KDM2A: variants seen among roughly 807,000 people sequenced by gnomAD.
KDM2A encodes the protein lysine demethylase 2A, also known as lysine-specific demethylase 2A.
KDM2A carries 3 observed loss-of-function variants against 137.3 expected under a neutral mutation model. The ratio of observed to expected loss-of-function variants is 0.02; its 90% CI spans 0.01 to 0.06. The LOEUF is 0.06. Among genes scored for constraint, KDM2A ranks in the 10% least tolerant of loss-of-function variants. The pLI is 1.00. For synonymous variants in KDM2A, 512 were observed against 541.5 expected (o/e 0.95, Z 0.76); for missense variants, 738 against 1,510.6 (o/e 0.49, Z 8.48).
chr11:67,158,062 T>C (rs1225857667), intron 2 of KDM2A, among the ~76,000 whole-genome samples: 1 of 151,326 alleles, frequency 6.6e-6, no homozygotes, highest in African/African-American at 2.4e-5. Context: ...TATAGAATAG[T>C]TTCACTGCCT....
chr11:67,123,710 CTT>C (rs1855651865), intron 2 of KDM2A, among the ~76,000 whole-genome samples: 1 of 151,556 alleles, frequency 6.6e-6, no homozygotes, highest in Non-Finnish European at 1.5e-5. Context: ...GAGTTTCACT[CTT>C]GTCACCCAGG....
rs1859539132 is a variant in KDM2A at position 67,254,513 on chromosome 11, G to C, written c.3307+95G>C. 1 of 1,048,304 alleles carries C rather than the reference G, an allele frequency of 9.5e-7. No homozygotes were observed. The highest frequency in any genetic ancestry group is 1.5e-6 in the Non-Finnish European group (1 of 680,988). 64.9% of individuals were successfully genotyped at this position (1,048,304 alleles called of 1,614,324 possible). A position where few individuals can be genotyped will look rare whatever the true frequency, so the allele number is the denominator to read the frequency against. Reference sequence around the variant, plus strand: ...AAACCAGAATGACCTTGGGTCTGTTGATTGACCCACATCAGCTCATTTCTT... The same window carrying C: ...AAACCAGAATGACCTTGGGTCTGTTCATTGACCCACATCAGCTCATTTCTT... On this transcript the variant is annotated intron_variant, in intron 20 of 20. Transcript: ENST00000529006. This position sits in a 1 kb window ranked among gnomAD's most constrained non-coding sequence, Gnocchi z 4.7.
In KDM2A at chr11:67,245,498, G is replaced by A; in HGVS notation, c.1833+40G>A. On this transcript the variant is annotated intron_variant, in intron 14 of 20. Coordinates refer to ENST00000529006, the MANE Select transcript of KDM2A (RefSeq NM_012308.3). This position sits in a 1 kb window ranked among gnomAD's most constrained non-coding sequence, Gnocchi z 4.1. Reference sequence around the variant, plus strand: ...GGGTAAAGAATTTTGGGGAGGGGTGGCAGTGCCAAAGGAACTGAAATACAT... The same window carrying A: ...GGGTAAAGAATTTTGGGGAGGGGTGACAGTGCCAAAGGAACTGAAATACAT... The A allele has an allele frequency of 6.2e-7, 1 of 1,606,330 alleles. No homozygotes were observed. The highest frequency in any genetic ancestry group is 8.5e-7 in the Non-Finnish European group (1 of 1,175,098).
intron 2 of KDM2A, among the ~76,000 whole-genome samples, chr11:67,141,068 C>T (rs555619139): frequency 1.4e-4 from 21 of 152,120 alleles, no homozygotes; most frequent in Admixed American, 3.9e-4. Flanking sequence ...TCAGTTTATC[C>T]CCCTCTCTTT....
intron 2 of KDM2A, among the ~76,000 whole-genome samples, chr11:67,130,404 CAA>C (rs1397997237): frequency 1.3e-5 from 2 of 152,164 alleles, no homozygotes; most frequent in Non-Finnish European, 2.9e-5. Context: ...TTCGGCCTCC[CAA>C]AGTGTTGGGA....
intron 2 of KDM2A, among the ~76,000 whole-genome samples, chr11:67,122,019 G>A (rs189961679): frequency 7.2e-5 from 11 of 152,154 alleles, no homozygotes; most frequent in Non-Finnish European, 1.3e-4. Context: ...TGCTTTCCTC[G>A]TAAGGTTTCC....
chr11:67,214,133 T>G (rs1858081651), intron 6 of KDM2A, among the ~76,000 whole-genome samples: 1 of 150,752 alleles, frequency 6.6e-6, no homozygotes, highest in Non-Finnish European at 1.5e-5. Context: ...CTCCACCTCC[T>G]GGGTTCAAGC....
chr11:67,173,274 C>CA (rs1856914400), intron 2 of KDM2A, among the ~76,000 whole-genome samples: 1 of 152,228 alleles, frequency 6.6e-6, no homozygotes, highest in African/African-American at 2.4e-5. Context: ...AGGCATGCGC[C>CA]ACCATGCGTG....
At position 67,127,870 on chromosome 11, in the gene KDM2A, C is replaced by G. The variant is rs1855765718; in HGVS notation, c.42+6512C>G. On this transcript the variant is annotated intron_variant, in intron 2 of 20. Transcript: ENST00000529006. ...TACAGGCATGCACCACCATGCCCGG[C>G]TAATTTTGTATTTTTGGTAGAGACG... Among the ~76,000 whole-genome samples the G allele has an allele frequency of 7.9e-5, 12 of 152,102 alleles. No individual in the cohort carries two copies. The South Asian group carries it at 2.5e-3, about 32-fold the overall frequency.
intron 10 of KDM2A, among the ~76,000 whole-genome samples, chr11:67,225,567 T>C (rs1222672067): frequency 6.6e-6 from 1 of 151,688 alleles, no homozygotes; most frequent in African/African-American, 2.4e-5. Context: ...CGTTGGGAGT[T>C]CGAAACCAGT....
At chr11:67,228,230 C>T (rs1489968727) in intron 11 of KDM2A, 67 bp downstream of exon 11, 1 of 1,513,360 alleles carries the variant, frequency 6.6e-7, no homozygotes, top group African/African-American at 1.4e-5. Flanking sequence ...CCGAAATACT[C>T]AGTAGGCTGT....
intron 7 of KDM2A, 42 bp downstream of exon 7, chr11:67,215,488 G>C: frequency 1.5e-6 from 2 of 1,309,650 alleles, no homozygotes; most frequent in Non-Finnish European, 1.1e-6. Context: ...TGCTGTGGGA[G>C]ACCAAAGCAA....
At chr11:67,205,465 G>A (rs183971171) in intron 5 of KDM2A, among the ~76,000 whole-genome samples, 4 of 151,998 alleles carry the variant, frequency 2.6e-5, no homozygotes, top group African/African-American at 9.6e-5. Flanking sequence ...GTGTTTGTTC[G>A]TCTTACAAGG....
chr11:67,187,018 G>A (rs1857223362), intron 5 of KDM2A, among the ~76,000 whole-genome samples: 1 of 152,186 alleles, frequency 6.6e-6, no homozygotes, highest in Non-Finnish European at 1.5e-5. Flanking sequence ...ACCAAAAGGG[G>A]TAGAGACAGA....
chr11:67,138,076 G>A (rs1434072068), intron 2 of KDM2A, among the ~76,000 whole-genome samples: 1 of 152,066 alleles, frequency 6.6e-6, no homozygotes, highest in Non-Finnish European at 1.5e-5. Context: ...GATTACAGGC[G>A]TGAACCACCG....
rs374404039 is a variant in KDM2A at position 67,198,626 on chromosome 11, C to T, written c.308-8884C>T. Among the ~76,000 whole-genome samples, 33 of 150,116 alleles carry T rather than the reference C, an allele frequency of 2.2e-4. No homozygotes were observed. In the South Asian group the frequency reaches 4.9e-3, roughly 22 times the overall value. On this transcript the variant is annotated intron_variant, in intron 5 of 20. Transcript: ENST00000529006. ...TTGGGAGGCTGAGTCAGGAGAATGG[C>T]GTGAACCCGGAAGGCGGAGGTTGCA...
intron 5 of KDM2A, 66 bp downstream of exon 5, chr11:67,181,958 C>G: frequency 7.3e-7 from 1 of 1,365,570 alleles, no homozygotes; most frequent in Non-Finnish European, 1.0e-6. Context: ...TGAATTAAAT[C>G]TCTGACTGAG....
At chr11:67,196,285 G>A in intron 5 of KDM2A, 1 of 456,128 alleles carries the variant, frequency 2.2e-6, no homozygotes, top group South Asian at 1.5e-5. Flanking sequence ...ATGTCAGCCA[G>A]ATGGCAGGAG....
In KDM2A at chr11:67,254,550, A is replaced by G. The variant is rs1196994324; in HGVS notation, c.3307+132A>G. 7 of 784,338 alleles carry G rather than the reference A, an allele frequency of 8.9e-6. No individual in the cohort carries two copies. The highest frequency in any genetic ancestry group is 1.3e-5 in the Non-Finnish European group (6 of 472,736). The allele number at this position is 784,338 out of a possible 1,614,324, so 48.6% of individuals were successfully genotyped here. On this transcript the variant is annotated intron_variant, in intron 20 of 20. Coordinates refer to ENST00000529006, the MANE Select transcript of KDM2A (RefSeq NM_012308.3). The surrounding 1 kb of genome is among the most constrained non-coding windows in gnomAD (Gnocchi z 4.7). The stretch of plus-strand genomic sequence containing the variant: ...TCAGCTCATTTCTTCACATCTGGAC[A>G]AGGACATGGATTTCTATCCCTTTTT...
Sources: gnomAD v4.1 joint callset for allele counts (sites outside exome capture counted in the v4.1 genomes callset) on GRCh38, gnomAD v4.1.1 for gene constraint, Gnocchi (gnomAD v3.1) non-coding constraint, MANE v1.5 for transcripts, NCBI Gene and HGNC (gene_info 2026-07-23, HGNC 2026-07-21) for gene names.